The following GATAD2B variants were observed in gnomAD, a reference collection of about 807,000 sequenced individuals.
GATAD2B encodes the protein transcriptional repressor p66-beta.
A neutral mutation model predicts 64.3 loss-of-function variants in GATAD2B; 8 were observed. That is an observed-to-expected ratio of 0.12 (90% CI 0.07 to 0.22). The LOEUF is 0.22. Ranked by LOEUF, GATAD2B falls within the 10% of genes least tolerant of loss-of-function variation. GATAD2B has a pLI of 1.00. For synonymous variants in GATAD2B, 281 were observed against 271.3 expected (o/e 1.04, Z -0.35); for missense variants, 453 against 752.0 (o/e 0.60, Z 4.65).
intron 6 of GATAD2B, 93 bp downstream of exon 6, chr1:153,817,279 A>G (rs748723430): frequency 1.7e-6 from 2 of 1,190,606 alleles, no homozygotes. Flanking sequence ...GAGTTTATCT[A>G]TGTATAAAAA....
chr1:153,804,777 T>C lies in GATAD2B; in HGVS notation c.*5400A>G, dbSNP rs1389869341. The C allele has an allele frequency of 6.6e-6, 1 of 152,606 alleles. No individual in the cohort carries two copies. The highest frequency in any genetic ancestry group is 2.4e-5 in the African/African-American group (1 of 41,444). The allele number at this position is 152,606 out of a possible 1,614,324, so 9.5% of individuals were successfully genotyped here. On this transcript the variant is annotated 3_prime_UTR_variant, in exon 11 of 11. Transcript: ENST00000368655. ...AACATAGCTTGCAAGTGATAAATAT[T>C]ACAAAGTTTTTTTTTCTTTTAATCC... is the stretch of plus-strand genomic sequence containing the variant.
rs549140377 is a variant in GATAD2B, at chr1:153,915,331, G to A, written c.-2+7402C>T. Among the ~76,000 whole-genome samples, 4 of 152,286 alleles carry A rather than the reference G, an allele frequency of 2.6e-5. No individual in the cohort carries two copies. The East Asian group carries it at 5.8e-4, about 22-fold the overall frequency. On this transcript the variant is annotated intron_variant, in intron 1 of 10. Transcript: ENST00000368655. ...CCAGCTACTCAGGAGGCTGCGGCAG[G>A]AGAATCACTTGAACCTGGGAGGCGG...
chr1:153,858,907 A>T (rs1676178293), intron 1 of GATAD2B, among the ~76,000 whole-genome samples: 1 of 152,192 alleles, frequency 6.6e-6, no homozygotes, highest in African/African-American at 2.4e-5. Context: ...AGAAAAAATA[A>T]CATTTGAGCA....
At chr1:153,889,374 T>C (rs1182913859) in intron 1 of GATAD2B, among the ~76,000 whole-genome samples, 2 of 130,162 alleles carry the variant, frequency 1.5e-5, no homozygotes, top group African/African-American at 2.9e-5. Context: ...ATCGTGCCAT[T>C]GCACTCCAGC....
At chr1:153,895,456 T>C (rs1423219691) in intron 1 of GATAD2B, among the ~76,000 whole-genome samples, 2 of 152,002 alleles carry the variant, frequency 1.3e-5, no homozygotes, top group Non-Finnish European at 2.9e-5. Flanking sequence ...GGCACATGCA[T>C]GTAGTCCCAG....
At chr1:153,873,039 G>A (rs559281470) in intron 1 of GATAD2B, among the ~76,000 whole-genome samples, 1 of 151,606 alleles carries the variant, frequency 6.6e-6, no homozygotes, top group Non-Finnish European at 1.5e-5. Context: ...TACTAGTTTG[G>A]TGCTATTGCT....
chr1:153,837,922 TA>T (rs1359440051), intron 1 of GATAD2B, among the ~76,000 whole-genome samples: 1 of 152,240 alleles, frequency 6.6e-6, no homozygotes, highest in African/African-American at 2.4e-5. Context: ...TACTATTTCT[TA>T]ACCACCCACT....
chr1:153,817,679 T>C, intron 5 of GATAD2B, 137 bp from the exon 6 acceptor site: 1 of 591,596 alleles, frequency 1.7e-6, no homozygotes, highest in Non-Finnish European at 2.8e-6. Context: ...ACTTGGTAAT[T>C]TCATTTAATG....
chr1:153,827,365 C>G (rs1256426669), intron 2 of GATAD2B, among the ~76,000 whole-genome samples: 1 of 151,986 alleles, frequency 6.6e-6, no homozygotes, highest in Non-Finnish European at 1.5e-5. Context: ...TGGCCAGTTC[C>G]AGGTACCTCT....
intron 1 of GATAD2B, among the ~76,000 whole-genome samples, chr1:153,829,158 C>T (rs1674990726): frequency 6.6e-6 from 1 of 151,996 alleles, no homozygotes; most frequent in Admixed American, 6.6e-5. Flanking sequence ...TGAGCCTGAT[C>T]GTACCACTGA....
At chr1:153,888,116 C>T (rs536294712) in intron 1 of GATAD2B, among the ~76,000 whole-genome samples, 1 of 151,766 alleles carries the variant, frequency 6.6e-6, no homozygotes, top group South Asian at 2.1e-4. Flanking sequence ...CTGCCATACA[C>T]TACTCAATGA....
intron 1 of GATAD2B, among the ~76,000 whole-genome samples, chr1:153,895,831 A>G (rs1368092686): frequency 6.6e-6 from 1 of 151,958 alleles, no homozygotes; most frequent in Non-Finnish European, 1.5e-5. Flanking sequence ...TGAGACTTTT[A>G]TACCTCTGAC....
intron 1 of GATAD2B, among the ~76,000 whole-genome samples, chr1:153,844,636 A>G (rs373897517): frequency 1.1e-3 from 170 of 151,812 alleles, no homozygotes; most frequent in African/African-American, 3.5e-3. Context: ...ATTGGAAATC[A>G]TCATTCTCAG....
At chr1:153,885,798 G>A (rs569008603) in intron 1 of GATAD2B, among the ~76,000 whole-genome samples, 3 of 150,680 alleles carry the variant, frequency 2.0e-5, no homozygotes, top group African/African-American at 7.4e-5. Context: ...AGGAGGCGGA[G>A]CTTGCAGTGA....
At chr1:153,875,055 G>A (rs1197435956) in intron 1 of GATAD2B, among the ~76,000 whole-genome samples, 1 of 151,586 alleles carries the variant, frequency 6.6e-6, no homozygotes, top group Non-Finnish European at 1.5e-5. Flanking sequence ...ATTTTTTCTT[G>A]TAAGCAAAGA....
intron 1 of GATAD2B, among the ~76,000 whole-genome samples, chr1:153,850,834 T>C (rs1052696837): frequency 6.6e-6 from 1 of 151,606 alleles, no homozygotes. Flanking sequence ...GGCAGGAGAA[T>C]CGCTTGAACC....
intron 1 of GATAD2B, chr1:153,890,550 A>G (rs1677350382): frequency 6.6e-6 from 1 of 151,662 alleles, no homozygotes; most frequent in Admixed American, 6.6e-5. Context: ...CCAGCCTGGC[A>G]GCTGCTCTTG....
intron 1 of GATAD2B, among the ~76,000 whole-genome samples, chr1:153,854,352 G>A (rs1404512911): frequency 2.6e-5 from 4 of 152,034 alleles, no homozygotes; most frequent in Non-Finnish European, 5.9e-5. Flanking sequence ...GCAGTGAGCC[G>A]AGATCTTGCC....
rs753654956 is a variant in GATAD2B at position 153,818,154 on chromosome 1, A to G, written c.615T>C (p.Asn205=). 1 of 1,609,972 alleles carries G rather than the reference A, an allele frequency of 6.2e-7. No individual in the cohort carries two copies. Among genetic ancestry groups the G allele is most frequent in the African/African-American group, 1.3e-5 (1 of 74,766 alleles). ...NVVQKTPVVQ[N]AASIVQPSPA... The stretch of plus-strand genomic sequence containing the variant: ...GAGATGGCTGAACAATAGATGCTGC[A>G]TTCTGTACAACTGGAGTCTGGGAGA... Residue 205 remains asparagine (N), a synonymous_variant, in exon 5 of 11, where the codon AAT becomes AAC. Coordinates refer to ENST00000368655, the MANE Select transcript of GATAD2B (RefSeq NM_020699.4).
Sources: allele counts gnomAD v4.1 joint callset (sites outside exome capture counted in the v4.1 genomes callset), GRCh38; gene constraint gnomAD v4.1.1; transcripts MANE v1.5; gene names NCBI Gene and HGNC (gene_info 2026-07-23, HGNC 2026-07-21).